ABCA12: variants seen among roughly 807,000 people sequenced by gnomAD.
ABCA12 encodes glucosylceramide transporter ABCA12.
Under a neutral mutation model 293.5 loss-of-function variants are expected in ABCA12, and 156 were observed. That is an observed-to-expected ratio of 0.53 (90% CI 0.47 to 0.61). ABCA12 has a LOEUF of 0.61. Among genes scored for constraint, ABCA12 ranks in the 20% least tolerant of loss-of-function variants. The pLI is 0.00. For synonymous variants in ABCA12, 1,063 were observed against 1,108.0 expected (o/e 0.96, Z 0.81); for missense variants, 2,797 against 3,090.2 (o/e 0.91, Z 2.25).
At chr2:215,131,684 T>G (rs1377360063) in intron 1 of ABCA12, among the ~76,000 whole-genome samples, 2 of 146,800 alleles carry the variant, frequency 1.4e-5, no homozygotes, top group Admixed American at 1.4e-4. Context: ...AACTTTTCAT[T>G]CATTGATCCT....
In ABCA12 at chr2:215,090,044, A is replaced by G. The variant is rs1314458797; in HGVS notation, c.163+21553T>C. On this transcript the variant is annotated intron_variant, in intron 2 of 52. Coordinates refer to ENST00000272895, the MANE Select transcript of ABCA12 (RefSeq NM_173076.3). Reference sequence around the variant, plus strand: ...TGGCCGGTTCCTGCCTTAACTGATGACATTACCTTGTGAAATTCCTTCTCC... The same window carrying G: ...TGGCCGGTTCCTGCCTTAACTGATGGCATTACCTTGTGAAATTCCTTCTCC... Among the ~76,000 whole-genome samples, 5 of 152,128 alleles carry G rather than the reference A, an allele frequency of 3.3e-5. No individual in the cohort carries two copies. In the East Asian group the frequency reaches 9.7e-4, roughly 29 times the overall value.
chr2:215,088,793 G>A (rs1702086634), intron 2 of ABCA12, among the ~76,000 whole-genome samples: 1 of 152,300 alleles, frequency 6.6e-6, no homozygotes, highest in South Asian at 2.1e-4. Context: ...TCCTGGTTAA[G>A]ATCGTGCATT....
At chr2:215,098,226 C>T (rs575447296) in intron 2 of ABCA12, among the ~76,000 whole-genome samples, 13 of 152,134 alleles carry the variant, frequency 8.5e-5, no homozygotes, top group Non-Finnish European at 1.9e-4. Context: ...TCCAGCTGAT[C>T]CACACTTATC....
intron 28 of ABCA12, 27 bp downstream of exon 28, chr2:214,986,515 G>A (rs752036809): frequency 2.5e-6 from 4 of 1,603,754 alleles, no homozygotes; most frequent in Non-Finnish European, 2.6e-6. Flanking sequence ...TGCTTCCATG[G>A]CAATAAATGT....
chr2:215,103,263 C>CTTT lies in ABCA12; in HGVS notation c.163+8331_163+8333dup, dbSNP rs1158377505. The stretch of plus-strand genomic sequence containing the variant: ...ACTTTAACAATGTCTCTTAAAATTT[C>CTTT]TTTCTTTTTTTTTTTTTTTTTTTGA... On this transcript the variant is annotated intron_variant, in intron 2 of 52. Transcript: ENST00000272895. 3.0e-3 allele frequency among the ~76,000 whole-genome samples: 248 copies of CTTT among 81,336 alleles called. 18 individuals carry two copies. Among genetic ancestry groups the CTTT allele is most frequent in the African/African-American group, 8.6e-3 (230 of 26,860 alleles). 53.4% of individuals were successfully genotyped at this position (81,336 alleles called of 152,430 possible). A position where few individuals can be genotyped will look rare whatever the true frequency, so the allele number is the denominator to read the frequency against.
intron 7 of ABCA12, among the ~76,000 whole-genome samples, chr2:215,040,392 A>G (rs377298207): frequency 1.3e-5 from 2 of 152,250 alleles, no homozygotes; most frequent in East Asian, 3.8e-4. Context: ...TCATCAGAGA[A>G]ATGCAAATCA....
chr2:214,942,438 A>C (rs969640821), intron 50 of ABCA12, among the ~76,000 whole-genome samples: 17 of 152,182 alleles, frequency 1.1e-4, no homozygotes, highest in African/African-American at 4.1e-4. Flanking sequence ...TAGTAGTATG[A>C]TATTTATGCA....
At position 215,090,186 on chromosome 2, in the gene ABCA12, C is replaced by A. The variant is rs1215898226; in HGVS notation, c.163+21411G>T. On this transcript the variant is annotated intron_variant, in intron 2 of 52. Transcript: ENST00000272895. ...ACCCAAATCCTATAAAACTGCCCCA[C>A]CCCTAACTTCCTTTGCTGACTCTCT... Among the ~76,000 whole-genome samples the A allele has an allele frequency of 2.0e-5, 3 of 152,194 alleles. No homozygotes were observed. The South Asian group carries it at 6.2e-4, about 31-fold the overall frequency.
chr2:214,994,150 T>C (rs1046944122), intron 23 of ABCA12, among the ~76,000 whole-genome samples: 3 of 152,076 alleles, frequency 2.0e-5, no homozygotes, highest in African/African-American at 7.2e-5. Context: ...ATCCATAAAT[T>C]ATCCAGATTC....
intron 31 of ABCA12, 74 bp from the exon 32 acceptor site, chr2:214,979,114 TGAG>T: frequency 7.4e-7 from 1 of 1,344,896 alleles, no homozygotes; most frequent in Non-Finnish European, 1.1e-6. Context: ...AATCAGAGGG[TGAG>T]GTGATGAGCT....
At chr2:214,942,838 G>T in intron 50 of ABCA12, 87 bp downstream of exon 50, 1 of 1,144,150 alleles carries the variant, frequency 8.7e-7, no homozygotes. Context: ...TTACTACTTA[G>T]GCTGCTGAGA....
intron 37 of ABCA12, 65 bp downstream of exon 37, chr2:214,970,207 TC>T: frequency 6.7e-7 from 1 of 1,496,804 alleles, no homozygotes; most frequent in Non-Finnish European, 9.1e-7. Context: ...ATCTATTGTC[TC>T]TTTAGAAGGC....
intron 15 of ABCA12, chr2:215,013,714 T>G (rs1700425913): frequency 6.5e-6 from 1 of 153,888 alleles, no homozygotes; most frequent in Non-Finnish European, 1.5e-5. Context: ...TAATAGTAAT[T>G]TCATGTCATA....
chr2:215,119,028 T>C (rs898498018), intron 1 of ABCA12, among the ~76,000 whole-genome samples: 2 of 152,176 alleles, frequency 1.3e-5, no homozygotes, highest in African/African-American at 4.8e-5. Flanking sequence ...CAGGGTAGAG[T>C]GGTACGATCT....
intron 1 of ABCA12, among the ~76,000 whole-genome samples, chr2:215,112,785 A>G (rs1173559095): frequency 2.0e-5 from 3 of 152,098 alleles, no homozygotes; most frequent in Non-Finnish European, 2.9e-5. Flanking sequence ...CGTGTGAGCC[A>G]CCGTGCCCGG....
At chr2:215,044,197 T>A (rs561056138) in intron 7 of ABCA12, among the ~76,000 whole-genome samples, 1 of 152,142 alleles carries the variant, frequency 6.6e-6, no homozygotes, top group Admixed American at 6.5e-5. Context: ...TGCAGCCTCA[T>A]ACGGATCTAC....
At chr2:215,024,204 T>A (rs1574991752) in intron 11 of ABCA12, among the ~76,000 whole-genome samples, 1 of 152,194 alleles carries the variant, frequency 6.6e-6, no homozygotes, top group African/African-American at 2.4e-5. Flanking sequence ...ATGTTAGATA[T>A]CCCGCCTCCA....
At chr2:214,952,405 G>T (rs1698808724) in intron 44 of ABCA12, among the ~76,000 whole-genome samples, 1 of 152,058 alleles carries the variant, frequency 6.6e-6, no homozygotes, top group Non-Finnish European at 1.5e-5. Context: ...ATTTTAAGTA[G>T]AGATGGGGTT....
chr2:215,017,834 G>C lies in ABCA12; in HGVS notation c.1782+174C>G, dbSNP rs574885007. ...AGGGACACATAGTGATAAAATTCTT[G>C]CTTCAGAATTTTTCTTCTATCTTTA... On this transcript the variant is annotated intron_variant, in intron 14 of 52. Coordinates refer to ENST00000272895, the MANE Select transcript of ABCA12 (RefSeq NM_173076.3). 7.3e-5 allele frequency: 57 copies of C among 777,732 alleles called. No homozygotes were observed. The African/African-American group carries it at 8.3e-4, about 11-fold the overall frequency. 48.2% of individuals were successfully genotyped at this position (777,732 alleles called of 1,614,324 possible). A position where few individuals can be genotyped will look rare whatever the true frequency, so the allele number is the denominator to read the frequency against.
Sources: allele counts gnomAD v4.1 joint callset (sites outside exome capture counted in the v4.1 genomes callset), GRCh38; gene constraint gnomAD v4.1.1; transcripts MANE v1.5; gene names NCBI Gene and HGNC (gene_info 2026-07-23, HGNC 2026-07-21).